Variants in PCDH9 observed in about 807,000 individuals in gnomAD.
The protein encoded by PCDH9 is protocadherin 9, also known as protocadherin-9.
A neutral mutation model predicts 70.6 loss-of-function variants in PCDH9; 24 were observed. The observed-to-expected ratio is 0.34, with a 90% CI of 0.25 to 0.48. The LOEUF (loss-of-function observed/expected upper bound fraction) is 0.48. PCDH9 is among the 20% of genes least tolerant of loss of function. The probability of loss-of-function intolerance (pLI) is 0.99; values close to 1 mark genes in which losing one functional copy is unlikely to be tolerated. For missense variants in PCDH9, 1,281 were observed against 1,503.6 expected (o/e 0.85, Z 2.45); for synonymous variants, 562 against 558.5 (o/e 1.01, Z -0.09).
chr13:66,377,050 T>C (rs1401771072), intron 4 of PCDH9, among the ~76,000 whole-genome samples: 1 of 152,144 alleles, frequency 6.6e-6, no homozygotes, highest in Non-Finnish European at 1.5e-5. Flanking sequence ...CAGAATGTAA[T>C]AGGTACGGAG....
intron 4 of PCDH9, among the ~76,000 whole-genome samples, chr13:66,331,030 G>A (rs1389042725): frequency 3.9e-5 from 6 of 152,146 alleles, no homozygotes; most frequent in Non-Finnish European, 8.8e-5. Flanking sequence ...TAGTTCGAAG[G>A]ATCCTGATTA....
intron 3 of PCDH9, among the ~76,000 whole-genome samples, chr13:66,715,625 T>C (rs1256358933): frequency 6.6e-6 from 1 of 152,224 alleles, no homozygotes; most frequent in Non-Finnish European, 1.5e-5. Flanking sequence ...TTCATCATTG[T>C]GCACATCTTT....
intron 4 of PCDH9, among the ~76,000 whole-genome samples, chr13:66,338,658 G>C (rs966398398): frequency 5.3e-5 from 8 of 151,334 alleles, no homozygotes; most frequent in African/African-American, 1.7e-4. Context: ...GTGGGGGGTG[G>C]TTCTGTGTGA....
chr13:66,322,278 G>A (rs1955769533), intron 4 of PCDH9, among the ~76,000 whole-genome samples: 1 of 151,870 alleles, frequency 6.6e-6, no homozygotes, highest in South Asian at 2.1e-4. Context: ...TTATCTCAAT[G>A]ACAGGTGTAA....
chr13:67,015,959 G>A (rs1277497105), intron 2 of PCDH9, among the ~76,000 whole-genome samples: 1 of 152,106 alleles, frequency 6.6e-6, no homozygotes, highest in Non-Finnish European at 1.5e-5. Context: ...TCCCACACCA[G>A]CACAATTCCT....
At chr13:67,068,747 C>T (rs1773454933) in intron 2 of PCDH9, among the ~76,000 whole-genome samples, 1 of 152,082 alleles carries the variant, frequency 6.6e-6, no homozygotes, top group African/African-American at 2.4e-5. Flanking sequence ...CTTTTTCAAA[C>T]ATTTGCCAAA....
At chr13:67,027,632 A>G (rs1389832332) in intron 2 of PCDH9, among the ~76,000 whole-genome samples, 3 of 150,418 alleles carry the variant, frequency 2.0e-5, no homozygotes, top group African/African-American at 4.9e-5. Context: ...TGAACAGGCA[A>G]CCTACAAAAT....
At chr13:66,552,430 G>A (rs994997596) in intron 4 of PCDH9, among the ~76,000 whole-genome samples, 6 of 152,028 alleles carry the variant, frequency 3.9e-5, no homozygotes, top group African/African-American at 1.4e-4. Context: ...GTACTGATAT[G>A]ACTAATAGGA....
intron 4 of PCDH9, among the ~76,000 whole-genome samples, chr13:66,366,590 G>A (rs1956558244): frequency 6.6e-6 from 1 of 151,688 alleles, no homozygotes; most frequent in South Asian, 2.1e-4. Flanking sequence ...TTAAATATGT[G>A]AGTACATTAT....
Position 66,324,404 on chromosome 13 carries a change from T to C in PCDH9, c.3341-19376A>G, listed in dbSNP as rs925684036. Among the ~76,000 whole-genome samples the C allele has an allele frequency of 5.9e-5, 9 of 152,006 alleles. No individual in the cohort carries two copies. The South Asian group carries it at 1.0e-3, about 18-fold the overall frequency. On this transcript the variant is annotated intron_variant, in intron 4 of 4. Coordinates refer to ENST00000377865, the MANE Select transcript of PCDH9 (RefSeq NM_203487.3). ...ACCCCATTATTTCCATTAGGAAAAATGGGTTAGAGAGATAAAGTGACTTGC... is the reference window on the plus strand; with the variant it reads ...ACCCCATTATTTCCATTAGGAAAAACGGGTTAGAGAGATAAAGTGACTTGC...
intron 4 of PCDH9, among the ~76,000 whole-genome samples, chr13:66,421,411 T>TAACC: frequency 6.6e-6 from 1 of 152,272 alleles, no homozygotes; most frequent in Admixed American, 6.5e-5. Context: ...GAAAAAATGT[T>TAACC]AAGGGCAGCT....
chr13:67,159,655 G>T (rs968519530), intron 2 of PCDH9, among the ~76,000 whole-genome samples: 3 of 152,154 alleles, frequency 2.0e-5, no homozygotes, highest in Non-Finnish European at 4.4e-5. Flanking sequence ...GATAACTGGA[G>T]AAATTACTAA....
rs746791811 is a variant in PCDH9 at position 66,883,431 on chromosome 13, G to T, written c.3138+20073C>A. On this transcript the variant is annotated intron_variant, in intron 3 of 4. Coordinates refer to ENST00000377865, the MANE Select transcript of PCDH9 (RefSeq NM_203487.3). ...TCCCATTTTCAGGTATCCAATGAAT[G>T]TAGAATACCTCTGTCTCCCTTTCTC... 3.3e-5 allele frequency among the ~76,000 whole-genome samples: 5 copies of T among 152,098 alleles called. No individual in the cohort carries two copies. In the South Asian group the frequency reaches 1.0e-3, roughly 31 times the overall value.
chr13:66,372,149 C>T (rs2138219268), intron 4 of PCDH9, among the ~76,000 whole-genome samples: 1 of 151,954 alleles, frequency 6.6e-6, no homozygotes, highest in East Asian at 1.9e-4. Flanking sequence ...AAGATGAAAA[C>T]ACATGCACCA....
intron 3 of PCDH9, among the ~76,000 whole-genome samples, chr13:66,818,645 G>A (rs866781388): frequency 6.6e-6 from 1 of 152,178 alleles, no homozygotes; most frequent in Non-Finnish European, 1.5e-5. Flanking sequence ...TCAAAAAGGT[G>A]TGATGGGCCA....
In PCDH9 at chr13:66,304,663, G is replaced by C. The variant is rs1340417452; in HGVS notation, c.3706C>G (p.Gln1236Glu). The stretch of plus-strand genomic sequence containing the variant: ...TCCCATATAGCCTTTTCTTAGAGTT[G>C]GTGCTCCTTAGGACTCTCAGTAGCA... ...GGATESPKEHQL is the reference protein window; with the variant it reads ...GGATESPKEHEL The change falls in exon 5 of 5, where the codon CAA becomes GAA. Residue 1236 changes from glutamine to glutamate, a missense_variant. Physicochemically the swap from Gln to Glu is conservative, Grantham distance 29. This residue lies in a region of PCDH9 where 264 missense variants were observed against 278.8 expected (regional missense o/e 0.95). Coordinates refer to ENST00000377865, the MANE Select transcript of PCDH9 (RefSeq NM_203487.3). The C allele has an allele frequency of 6.2e-7, 1 of 1,612,092 alleles. No individual in the cohort carries two copies. The highest frequency in any genetic ancestry group is 8.5e-7 in the Non-Finnish European group (1 of 1,178,692).
At chr13:67,225,358 G>A in intron 2 of PCDH9, 47 bp downstream of exon 2, 1 of 1,559,730 alleles carries the variant, frequency 6.4e-7, no homozygotes, top group South Asian at 1.1e-5. Flanking sequence ...CTGGTTGACT[G>A]GGCACTTGTA....
At chr13:67,208,385 CT>C (rs1455205292) in intron 2 of PCDH9, 18 of 152,128 alleles carry the variant, frequency 1.2e-4, no homozygotes, top group African/African-American at 4.3e-4. Flanking sequence ...TGGATGAATA[CT>C]TAGAAAGCAT....
At chr13:66,461,485 AT>A (rs956862175) in intron 4 of PCDH9, among the ~76,000 whole-genome samples, 1 of 151,462 alleles carries the variant, frequency 6.6e-6, no homozygotes, top group Non-Finnish European at 1.5e-5. Context: ...GCTAACTTAT[AT>A]TTTTTAATGC....
Sources: allele counts gnomAD v4.1 joint callset (sites outside exome capture counted in the v4.1 genomes callset), GRCh38; gene constraint gnomAD v4.1.1; regional missense constraint gnomAD v4.1.1; transcripts MANE v1.5; gene names NCBI Gene and HGNC (gene_info 2026-07-23, HGNC 2026-07-21).